Variants in DYRK3 observed in about 807,000 individuals in gnomAD.
DYRK3 encodes the protein dual specificity tyrosine-phosphorylation-regulated kinase 3.
Under a neutral mutation model 40.8 loss-of-function variants are expected in DYRK3, and 30 were observed. That is an observed-to-expected ratio of 0.74 (90% CI 0.55 to 1.00). The LOEUF (loss-of-function observed/expected upper bound fraction) is 1.00. DYRK3 is among the 50% of genes least tolerant of loss of function. The pLI is 0.00. For synonymous variants in DYRK3, 272 were observed against 260.7 expected (o/e 1.04, Z -0.42); for missense variants, 699 against 731.5 (o/e 0.96, Z 0.51).
rs572345654 is a variant in DYRK3, at chr1:206,637,062, G to T, written c.78-588G>T. The T allele has an allele frequency of 5.6e-5, 50 of 888,542 alleles. No individual in the cohort carries two copies. The African/African-American group carries it at 8.1e-4, about 14-fold the overall frequency. 55.0% of individuals were successfully genotyped at this position (888,542 alleles called of 1,614,324 possible). A position where few individuals can be genotyped will look rare whatever the true frequency, so the allele number is the denominator to read the frequency against. ...CTGCAGGTTAGGTAGATGTAAGTAG[G>T]TAAGTAAGTAAATGAATAAAGAGAA... On this transcript the variant is annotated intron_variant, in intron 1 of 2. Transcript: ENST00000367109.
rs200847742 is a variant in DYRK3 at position 206,647,807 on chromosome 1, C to A, written c.609C>A (p.Asp203Glu). The change falls in exon 3 of 3, where the codon GAC becomes GAA. Residue 203 changes from aspartate (D) to glutamate (E), a missense_variant. Asp to Glu is a conservative substitution (Grantham distance 45, BLOSUM62 2). Coordinates refer to ENST00000367109, the MANE Select transcript of DYRK3 (RefSeq NM_003582.4). ...ADGAYIHVPRDHLAYRYEVLK... is the reference protein window; with the variant it reads ...ADGAYIHVPREHLAYRYEVLK... ...GGGCCTATATTCATGTACCTCGAGACCATCTAGCTTATCGATATGAGGTGC... is the reference window on the plus strand; with the variant it reads ...GGGCCTATATTCATGTACCTCGAGAACATCTAGCTTATCGATATGAGGTGC... 6.2e-7 allele frequency: 1 copy of A among 1,613,970 alleles called. No homozygotes were observed. The highest frequency in any genetic ancestry group is 8.5e-7 in the Non-Finnish European group (1 of 1,180,034).
intron 2 of DYRK3, among the ~76,000 whole-genome samples, chr1:206,638,812 C>A: frequency 6.6e-6 from 1 of 150,798 alleles, no homozygotes; most frequent in Admixed American, 6.6e-5. Flanking sequence ...ATGGAAAAAT[C>A]ACTTCTATTT....
chr1:206,648,311 G>A lies in DYRK3; in HGVS notation c.1113G>A (p.Gln371=). The change falls in exon 3 of 3, where the codon CAG becomes CAA. Residue 371 remains glutamine, a synonymous_variant. Transcript: ENST00000367109. The part of the protein sequence containing the change: ...FEYQKLYTYI[Q]SRFYRAPEII... ...ACCAGAAGCTCTACACATATATCCA[G>A]TCTCGGTTCTACAGAGCTCCAGAAA... 1 of 1,614,162 alleles carries A rather than the reference G, an allele frequency of 6.2e-7. No homozygotes were observed. The highest frequency in any genetic ancestry group is 8.5e-7 in the Non-Finnish European group (1 of 1,180,026).
intron 1 of DYRK3, among the ~76,000 whole-genome samples, chr1:206,637,336 C>G (rs1671144962): frequency 6.6e-6 from 1 of 152,236 alleles, no homozygotes; most frequent in Non-Finnish European, 1.5e-5. Context: ...GCTTCAGTTT[C>G]AAACTAGCCT....
Position 206,636,869 on chromosome 1 carries a change from T to C in DYRK3, c.78-781T>C, listed in dbSNP as rs1423214649. 4 of 1,594,406 alleles carry C rather than the reference T, an allele frequency of 2.5e-6. No homozygotes were observed. The African/African-American group carries it at 5.4e-5, about 21-fold the overall frequency. On this transcript the variant is annotated intron_variant, in intron 1 of 2. Coordinates refer to ENST00000367109, the MANE Select transcript of DYRK3 (RefSeq NM_003582.4). ...AATCCTCTCCGTCTTTTGTGTTCCC[T>C]TACAGTGGTGGAGCCACAGTGTTAA...
Position 206,647,805 on chromosome 1 carries a change from G to C in DYRK3, c.607G>C (p.Asp203His). 6.2e-7 allele frequency: 1 copy of C among 1,614,144 alleles called. No individual in the cohort carries two copies. Among genetic ancestry groups the C allele is most frequent in the Non-Finnish European group, 8.5e-7 (1 of 1,180,034 alleles). Residue 203 changes from aspartate to histidine, a missense_variant, in exon 3 of 3, where the codon GAC (aspartate) becomes CAC (histidine). Transcript: ENST00000367109. Reference protein sequence around the residue: ...ADGAYIHVPRDHLAYRYEVLK... With the variant: ...ADGAYIHVPRHHLAYRYEVLK... Reference sequence around the variant, plus strand: ...TGGGGCCTATATTCATGTACCTCGAGACCATCTAGCTTATCGATATGAGGT... The same window carrying C: ...TGGGGCCTATATTCATGTACCTCGACACCATCTAGCTTATCGATATGAGGT...
intron 1 of DYRK3, 158 bp downstream of exon 1, chr1:206,635,938 C>G: frequency 7.6e-7 from 1 of 1,318,246 alleles, no homozygotes; most frequent in South Asian, 2.2e-5. Context: ...CACCTCCTCT[C>G]TATCAGGGCC....
rs782460250 is a variant in DYRK3, at chr1:206,652,604, C to T, written c.*3639C>T. 3.3e-5 allele frequency among the ~76,000 whole-genome samples: 5 copies of T among 152,200 alleles called. No individual in the cohort carries two copies. The highest frequency in any genetic ancestry group is 7.3e-5 in the Non-Finnish European group (5 of 68,036). On this transcript the variant is annotated 3_prime_UTR_variant, in exon 3 of 3. Transcript: ENST00000367109. ...GAGTCATTGAAGTTGGCATACCTGT[C>T]TTCTGCAGGCCAATTCAAGTTTGAG...
rs1671563468 is a variant in DYRK3 at position 206,649,183 on chromosome 1, T to A, written c.*218T>A. On this transcript the variant is annotated 3_prime_UTR_variant, in exon 3 of 3. Coordinates refer to ENST00000367109, the MANE Select transcript of DYRK3 (RefSeq NM_003582.4). ...TCTGGAATATGCATTAAATGACTTT[T>A]TATAGGTCAATGCATCTTTGTTATT... 3.9e-6 allele frequency: 2 copies of A among 511,780 alleles called. No individual in the cohort carries two copies. Among genetic ancestry groups the A allele is most frequent in the East Asian group, 6.4e-5 (2 of 31,458 alleles). 31.7% of individuals were successfully genotyped at this position (511,780 alleles called of 1,614,324 possible). A position where few individuals can be genotyped will look rare whatever the true frequency, so the allele number is the denominator to read the frequency against.
chr1:206,645,106 CG>C (rs1276153963), intron 2 of DYRK3, among the ~76,000 whole-genome samples: 1 of 152,018 alleles, frequency 6.6e-6, no homozygotes, highest in Non-Finnish European at 1.5e-5. Flanking sequence ...AACTGAATTA[CG>C]GGGGCTGTCT....
chr1:206,644,519 A>G (rs912786897), intron 2 of DYRK3, among the ~76,000 whole-genome samples: 2 of 152,220 alleles, frequency 1.3e-5, no homozygotes, highest in Non-Finnish European at 2.9e-5. Flanking sequence ...ATGTAAATCT[A>G]ATTAAAACCA....
At chr1:206,642,307 A>G (rs1443431535) in intron 2 of DYRK3, among the ~76,000 whole-genome samples, 2 of 150,886 alleles carry the variant, frequency 1.3e-5, no homozygotes, top group Non-Finnish European at 2.9e-5. Context: ...GTGGAGAAAT[A>G]GGAACGCTTT....
chr1:206,642,913 A>G (rs896172350), intron 2 of DYRK3, among the ~76,000 whole-genome samples: 2 of 151,608 alleles, frequency 1.3e-5, no homozygotes, highest in African/African-American at 4.8e-5. Context: ...CATGTACCCT[A>G]TAACTTATAA....
chr1:206,641,260 C>G (rs190587728), intron 2 of DYRK3, among the ~76,000 whole-genome samples: 1 of 152,198 alleles, frequency 6.6e-6, no homozygotes, highest in East Asian at 1.9e-4. Context: ...TCCCCAAAGT[C>G]CATTGTATCA....
rs1249743224 is a variant in DYRK3 at position 206,635,666 on chromosome 1, A to G, written c.-38A>G. 6 of 1,245,208 alleles carry G rather than the reference A, an allele frequency of 4.8e-6. No individual in the cohort carries two copies. Among genetic ancestry groups the G allele is most frequent in the African/African-American group, 1.6e-5 (1 of 64,442 alleles). The allele number at this position is 1,245,208 out of a possible 1,614,324, so 77.1% of individuals were successfully genotyped here. On this transcript the variant is annotated 5_prime_UTR_variant, in exon 1 of 3. Coordinates refer to ENST00000367109, the MANE Select transcript of DYRK3 (RefSeq NM_003582.4). ...GGTGGCGTGGCCGACCGGACCCCCA[A>G]CTGGCGCCTCTCCCCGCGCGGGGTC...
At chr1:206,638,803 T>A (rs1671194727) in intron 2 of DYRK3, among the ~76,000 whole-genome samples, 1 of 152,044 alleles carries the variant, frequency 6.6e-6, no homozygotes, top group African/African-American at 2.4e-5. Flanking sequence ...TGTTTCTATA[T>A]GGAAAAATCA....
rs1671559945 is a variant in DYRK3, at chr1:206,649,084, C to CA, written c.*121dup. The CA allele has an allele frequency of 1.9e-6, 2 of 1,044,238 alleles. No homozygotes were observed. The highest frequency in any genetic ancestry group is 1.3e-6 in the Non-Finnish European group (1 of 741,236). 64.7% of individuals were successfully genotyped at this position (1,044,238 alleles called of 1,614,324 possible). On this transcript the variant is annotated 3_prime_UTR_variant, in exon 3 of 3. Coordinates refer to ENST00000367109, the MANE Select transcript of DYRK3 (RefSeq NM_003582.4). ...TTTGTTAGAGTAGACTTTTTTTAAA[C>CA]AAGACAAAACATTTTTATATGATTA...
At chr1:206,647,303 T>G in intron 2 of DYRK3, 85 bp from the exon 3 acceptor site, 2 of 1,345,934 alleles carry the variant, frequency 1.5e-6, no homozygotes, top group Non-Finnish European at 2.0e-6. Flanking sequence ...ACTGGACATG[T>G]TTTGTTGTTA....
rs1671528313 is a variant in DYRK3, at chr1:206,648,361, C to A, written c.1163C>A (p.Thr388Lys). 6.2e-7 allele frequency: 1 copy of A among 1,614,030 alleles called. No homozygotes were observed. Among genetic ancestry groups the A allele is most frequent in the South Asian group, 1.1e-5 (1 of 91,092 alleles). ...ATCATCTTAGGAAGCCGCTACAGCACACCAATTGACATATGGAGTTTTGGC... is the reference window on the plus strand; with the variant it reads ...ATCATCTTAGGAAGCCGCTACAGCAAACCAATTGACATATGGAGTTTTGGC... ...PEIILGSRYS[T>K]PIDIWSFGCI... The change falls in exon 3 of 3, where the codon ACA becomes AAA. Residue 388 changes from threonine to lysine, a missense_variant. By Grantham distance (78) the Thr-to-Lys change is moderately conservative. Transcript: ENST00000367109.
Sources: gnomAD v4.1 joint callset for allele counts (sites outside exome capture counted in the v4.1 genomes callset) on GRCh38, gnomAD v4.1.1 for gene constraint, MANE v1.5 for transcripts, NCBI Gene and HGNC (gene_info 2026-07-23, HGNC 2026-07-21) for gene names.